The following LHFPL6 variants were observed in gnomAD, a reference collection of about 807,000 sequenced individuals.
LHFPL6 encodes the protein LHFPL tetraspan subfamily member 6 protein.
Under a neutral mutation model 20.6 loss-of-function variants are expected in LHFPL6, and 9 were observed. The ratio of observed to expected loss-of-function variants is 0.44; its 90% CI spans 0.26 to 0.76. The LOEUF (loss-of-function observed/expected upper bound fraction) is 0.76. LHFPL6 is among the 30% of genes least tolerant of loss of function. LHFPL6 has a pLI of 0.20. For synonymous variants in LHFPL6, 105 were observed against 98.7 expected, an observed-to-expected ratio of 1.06 and a Z score of -0.38; for missense variants, 218 against 253.5, an observed-to-expected ratio of 0.86 and a Z score of 0.95.
chr13:39,346,304 T>C (rs1869400034), intron 3 of LHFPL6, among the ~76,000 whole-genome samples: 1 of 152,068 alleles, frequency 6.6e-6, no homozygotes, highest in African/African-American at 2.4e-5. Context: ...CATCAAGCTA[T>C]GTTGTTCAGT....
At chr13:39,589,113 A>T (rs1872533189) in intron 2 of LHFPL6, among the ~76,000 whole-genome samples, 1 of 151,974 alleles carries the variant, frequency 6.6e-6, no homozygotes, top group Non-Finnish European at 1.5e-5. Context: ...TCTACCAGAT[A>T]AATTTTTTTT....
rs73464851 is a variant in LHFPL6, at chr13:39,510,780, A to G, written c.385+90052T>C. Reference sequence around the variant, plus strand: ...TGAAAAAGTTATATAAAACAAAATAAAACAAAAAATAATTGAAGAGGAAAA... The same window carrying G: ...TGAAAAAGTTATATAAAACAAAATAGAACAAAAAATAATTGAAGAGGAAAA... On this transcript the variant is annotated intron_variant, in intron 2 of 3. Coordinates refer to ENST00000379589, the MANE Select transcript of LHFPL6 (RefSeq NM_005780.3). Among the ~76,000 whole-genome samples, 675 of 152,352 alleles carry G rather than the reference A, an allele frequency of 4.4e-3. 3 individuals carry two copies. The highest frequency in any genetic ancestry group is 0.016 in the African/African-American group (647 of 41,588).
chr13:39,557,748 A>T (rs1871350331), intron 2 of LHFPL6, among the ~76,000 whole-genome samples: 1 of 152,238 alleles, frequency 6.6e-6, no homozygotes. Flanking sequence ...GTCGGATAGT[A>T]ACACTTGATA....
intron 2 of LHFPL6, among the ~76,000 whole-genome samples, chr13:39,404,168 TATAACCTA>T (rs1871058924): frequency 6.6e-6 from 1 of 152,216 alleles, no homozygotes; most frequent in African/African-American, 2.4e-5. Context: ...TTACATGTTT[TATAACCTA>T]GTAGCCAGGT....
intron 3 of LHFPL6, among the ~76,000 whole-genome samples, chr13:39,350,129 T>C (rs932903152): frequency 7.2e-5 from 11 of 152,214 alleles, no homozygotes; most frequent in African/African-American, 2.4e-4. Flanking sequence ...TTTGGTCTCA[T>C]GAAGCTTACT....
intron 2 of LHFPL6, among the ~76,000 whole-genome samples, chr13:39,445,404 T>TAA (rs1418762986): frequency 6.6e-6 from 1 of 152,186 alleles, no homozygotes; most frequent in African/African-American, 2.4e-5. Flanking sequence ...CTTTTCCAGT[T>TAA]TTACAAATTA....
At chr13:39,570,192 G>T (rs918554980) in intron 2 of LHFPL6, among the ~76,000 whole-genome samples, 6 of 151,952 alleles carry the variant, frequency 3.9e-5, no homozygotes, top group Non-Finnish European at 8.8e-5. Flanking sequence ...ACCCAGGCTG[G>T]AGTTCAGTGG....
intron 2 of LHFPL6, among the ~76,000 whole-genome samples, chr13:39,576,035 T>C (rs1463222919): frequency 6.6e-6 from 1 of 152,226 alleles, no homozygotes; most frequent in Admixed American, 6.5e-5. Context: ...CAATTTTACT[T>C]GTAAACGAAA....
chr13:39,481,231 C>T (rs1013886846), intron 2 of LHFPL6, among the ~76,000 whole-genome samples: 3 of 152,092 alleles, frequency 2.0e-5, no homozygotes, highest in African/African-American at 4.8e-5. Flanking sequence ...GACTGAAATA[C>T]AATGACTTAG....
At chr13:39,346,982 A>G (rs1445491325) in intron 3 of LHFPL6, among the ~76,000 whole-genome samples, 2 of 149,180 alleles carry the variant, frequency 1.3e-5, no homozygotes, top group Non-Finnish European at 3.0e-5. Flanking sequence ...CAAGTGGCCC[A>G]CCCATAAGAA....
chr13:39,419,556 T>A (rs562759267), intron 2 of LHFPL6, among the ~76,000 whole-genome samples: 1 of 152,344 alleles, frequency 6.6e-6, no homozygotes, highest in East Asian at 1.9e-4. Context: ...CTGAAATGAA[T>A]CAAAATGTTT....
intron 2 of LHFPL6, among the ~76,000 whole-genome samples, chr13:39,564,931 C>T (rs1159333760): frequency 1.3e-5 from 2 of 152,016 alleles, no homozygotes; most frequent in African/African-American, 2.4e-5. Context: ...GGACATCGTT[C>T]AATAAGAAGT....
intron 2 of LHFPL6, among the ~76,000 whole-genome samples, chr13:39,396,358 A>G (rs890587009): frequency 6.6e-6 from 1 of 152,128 alleles, no homozygotes; most frequent in Admixed American, 6.5e-5. Context: ...TATCTCCAAA[A>G]CAGAGGTATA....
At chr13:39,546,719 C>T (rs1566138178) in intron 2 of LHFPL6, among the ~76,000 whole-genome samples, 3 of 152,184 alleles carry the variant, frequency 2.0e-5, no homozygotes, top group Middle Eastern at 3.4e-3. Context: ...AATCAACCAC[C>T]AAGTATTGTC....
chr13:39,585,405 A>C (rs543395184), intron 2 of LHFPL6, among the ~76,000 whole-genome samples: 1 of 152,224 alleles, frequency 6.6e-6, no homozygotes, highest in Non-Finnish European at 1.5e-5. Flanking sequence ...ACGGCCTTCA[A>C]TGCAATTGGC....
chr13:39,512,182 G>C (rs540533036), intron 2 of LHFPL6, among the ~76,000 whole-genome samples: 3 of 152,252 alleles, frequency 2.0e-5, no homozygotes, highest in African/African-American at 7.2e-5. Context: ...TCTTCTTCCT[G>C]CTTAACACTG....
intron 2 of LHFPL6, among the ~76,000 whole-genome samples, chr13:39,492,976 G>A (rs981333151): frequency 6.6e-5 from 10 of 151,788 alleles, no homozygotes; most frequent in Non-Finnish European, 1.2e-4. Context: ...CACTGCGCCC[G>A]GCCTCAATAT....
rs1024470380 is a variant in LHFPL6, at chr13:39,475,188, G to T, written c.386-96662C>A. Reference sequence around the variant, plus strand: ...CAGAAGAACCATCTGTGAGACCAGAGTAGGGCAGAAGGCACAGGCACAGAA... The same window carrying T: ...CAGAAGAACCATCTGTGAGACCAGATTAGGGCAGAAGGCACAGGCACAGAA... On this transcript the variant is annotated intron_variant, in intron 2 of 3. Transcript: ENST00000379589. 6.6e-5 allele frequency among the ~76,000 whole-genome samples: 10 copies of T among 152,282 alleles called. No individual in the cohort carries two copies. The South Asian group carries it at 1.7e-3, about 25-fold the overall frequency.
intron 2 of LHFPL6, among the ~76,000 whole-genome samples, chr13:39,518,653 C>T (rs943892799): frequency 1.1e-4 from 17 of 152,324 alleles, no homozygotes; most frequent in African/African-American, 3.1e-4. Context: ...CTAAAGGCCA[C>T]ACCTGTGTAT....
Sources: allele counts gnomAD v4.1 joint callset (sites outside exome capture counted in the v4.1 genomes callset), GRCh38; gene constraint gnomAD v4.1.1; transcripts MANE v1.5; gene names NCBI Gene and HGNC (gene_info 2026-07-23, HGNC 2026-07-21).